MAN1A1: variants seen among roughly 807,000 people sequenced by gnomAD.
MAN1A1 encodes mannosidase alpha class 1A member 1.
Under a neutral mutation model 70.8 loss-of-function variants are expected in MAN1A1, and 29 were observed. That is an observed-to-expected ratio of 0.41 (90% CI 0.31 to 0.56). The LOEUF is 0.56. Ranked by LOEUF, MAN1A1 falls within the 20% of genes least tolerant of loss-of-function variation. The pLI is 0.29. For synonymous variants in MAN1A1, 349 were observed against 330.1 expected (o/e 1.06, Z -0.62); for missense variants, 747 against 841.3 (o/e 0.89, Z 1.39).
At chr6:119,271,520 G>A (rs1476821167) in intron 5 of MAN1A1, among the ~76,000 whole-genome samples, 3 of 149,450 alleles carry the variant, frequency 2.0e-5, no homozygotes, top group Non-Finnish European at 4.4e-5. Flanking sequence ...TTTTTTTTGA[G>A]GCAGAATCTC....
chr6:119,293,408 T>C (rs1173351215), intron 4 of MAN1A1, among the ~76,000 whole-genome samples: 2 of 152,134 alleles, frequency 1.3e-5, no homozygotes, highest in Non-Finnish European at 2.9e-5. Flanking sequence ...TGGCTTTGGA[T>C]TTCATGGATC....
intron 6 of MAN1A1, among the ~76,000 whole-genome samples, chr6:119,210,367 C>A (rs369427865): frequency 1.3e-5 from 2 of 152,034 alleles, no homozygotes; most frequent in African/African-American, 2.4e-5. Flanking sequence ...ACCAAAAAGG[C>A]GAGCAGAACT....
chr6:119,274,900 A>G (rs1776013576), intron 5 of MAN1A1, among the ~76,000 whole-genome samples: 1 of 152,214 alleles, frequency 6.6e-6, no homozygotes, highest in South Asian at 2.1e-4. Flanking sequence ...GAATTTTTTC[A>G]ATTTAATGAA....
chr6:119,213,899 T>A (rs953384771), intron 6 of MAN1A1, among the ~76,000 whole-genome samples: 2 of 152,224 alleles, frequency 1.3e-5, no homozygotes, highest in Non-Finnish European at 2.9e-5. Flanking sequence ...AATTTACATG[T>A]TTATACATTT....
chr6:119,242,130 G>GACACACACACACACACACAC (rs1465970489), intron 6 of MAN1A1, among the ~76,000 whole-genome samples: 35 of 35,768 alleles, frequency 9.8e-4, no homozygotes, highest in African/African-American at 2.2e-3. Context: ...CAGACAGACA[G>GACACACACACACACACACAC]ACAGACACAC....
intron 6 of MAN1A1, among the ~76,000 whole-genome samples, chr6:119,243,813 T>C (rs981077484): frequency 3.3e-5 from 5 of 151,930 alleles, no homozygotes; most frequent in East Asian, 1.9e-4. Context: ...AGGTGAGGGG[T>C]TGTGCCTCAT....
Position 119,201,451 on chromosome 6 carries a change from G to C in MAN1A1, c.1117-104C>G. Reference sequence around the variant, plus strand: ...AGTTGACTTAAATGATGCAGAGTTAGAACAAAGATAACTGCTGTTAGCTTA... The same window carrying C: ...AGTTGACTTAAATGATGCAGAGTTACAACAAAGATAACTGCTGTTAGCTTA... On this transcript the variant is annotated intron_variant, in intron 7 of 12. Transcript: ENST00000368468. 3 of 734,054 alleles carry C rather than the reference G, an allele frequency of 4.1e-6. No individual in the cohort carries two copies. In the South Asian group the frequency reaches 4.9e-5, roughly 12 times the overall value. The allele number at this position is 734,054 out of a possible 1,614,324, so 45.5% of individuals were successfully genotyped here.
At chr6:119,226,832 G>A (rs1289803572) in intron 6 of MAN1A1, among the ~76,000 whole-genome samples, 2 of 128,046 alleles carry the variant, frequency 1.6e-5, no homozygotes, top group Non-Finnish European at 3.5e-5. Flanking sequence ...CACCAGGCCT[G>A]GCTAATTTAT....
intron 11 of MAN1A1, among the ~76,000 whole-genome samples, chr6:119,187,837 C>T (rs1299070518): frequency 2.0e-5 from 3 of 152,262 alleles, no homozygotes; most frequent in South Asian, 2.1e-4. Context: ...ATACTATCCT[C>T]AGCAGGAAGA....
In MAN1A1 at chr6:119,202,313, A is replaced by T. The variant is rs141617395; in HGVS notation, c.1117-966T>A. Reference sequence around the variant, plus strand: ...AGACACATATACACATTAGCTTAGGACTCCACAGGACCATCAATATCACTG... The same window carrying T: ...AGACACATATACACATTAGCTTAGGTCTCCACAGGACCATCAATATCACTG... On this transcript the variant is annotated intron_variant, in intron 7 of 12. Transcript: ENST00000368468. 6.3e-3 allele frequency among the ~76,000 whole-genome samples: 959 copies of T among 152,052 alleles called. 12 individuals are homozygous for T. The highest frequency in any genetic ancestry group is 0.022 in the African/African-American group (907 of 41,498).
intron 5 of MAN1A1, among the ~76,000 whole-genome samples, chr6:119,259,892 T>C (rs1775560744): frequency 6.6e-6 from 1 of 152,132 alleles, no homozygotes; most frequent in Non-Finnish European, 1.5e-5. Flanking sequence ...TATTGAAAAA[T>C]CACAAAATTA....
At chr6:119,339,934 T>TA (rs1315047192) in intron 2 of MAN1A1, among the ~76,000 whole-genome samples, 1 of 151,980 alleles carries the variant, frequency 6.6e-6, no homozygotes, top group Non-Finnish European at 1.5e-5. Context: ...CTACCAAAAA[T>TA]ACAAAAATTA....
At position 119,348,989 on chromosome 6, in the gene MAN1A1, C is replaced by A. The variant is rs1277657061; in HGVS notation, c.77G>T (p.Gly26Val). Residue 26 changes from glycine to valine, a missense_variant, in exon 2 of 13, where the codon GGT becomes GTT. This residue lies in a region of MAN1A1 where 328 missense variants were observed against 293.1 expected (regional missense o/e 1.12). Coordinates refer to ENST00000368468, the MANE Select transcript of MAN1A1 (RefSeq NM_005907.4). ...GGCGGGGCCCGACCCCTTCCTGCCACCGCCGCCGCCGAGCCCCCCGCCCAG... is the reference window on the plus strand; with the variant it reads ...GGCGGGGCCCGACCCCTTCCTGCCAACGCCGCCGCCGAGCCCCCCGCCCAG... ...GVLGGGLGGG[G>V]GRKGSGPAAL... 7 of 1,441,756 alleles carry A rather than the reference C, an allele frequency of 4.9e-6. No homozygotes were observed. Among genetic ancestry groups the A allele is most frequent in the Non-Finnish European group, 6.4e-6 (7 of 1,094,644 alleles). 89.3% of individuals were successfully genotyped at this position (1,441,756 alleles called of 1,614,324 possible). A position where few individuals can be genotyped will look rare whatever the true frequency, so the allele number is the denominator to read the frequency against.
At chr6:119,203,531 T>TGAGGGGGTGAG (rs1326975665) in intron 7 of MAN1A1, among the ~76,000 whole-genome samples, 1 of 151,864 alleles carries the variant, frequency 6.6e-6, no homozygotes, top group Non-Finnish European at 1.5e-5. Flanking sequence ...ATGAGAAGGC[T>TGAGGGGGTGAG]GAGGGGGTGA....
chr6:119,258,946 A>G (rs1230109672), intron 5 of MAN1A1, among the ~76,000 whole-genome samples: 2 of 152,178 alleles, frequency 1.3e-5, no homozygotes, highest in Non-Finnish European at 2.9e-5. Context: ...AAGTGAATAG[A>G]GAATAATCTT....
chr6:119,216,241 T>C (rs1172598840), intron 6 of MAN1A1, among the ~76,000 whole-genome samples: 2 of 152,198 alleles, frequency 1.3e-5, no homozygotes, highest in Admixed American at 1.3e-4. Flanking sequence ...TTTCTAAAGT[T>C]CACTCTGGAT....
At chr6:119,300,596 G>GT (rs1485033671) in intron 4 of MAN1A1, among the ~76,000 whole-genome samples, 1 of 151,980 alleles carries the variant, frequency 6.6e-6, no homozygotes, top group African/African-American at 2.4e-5. Flanking sequence ...AAATGAAACC[G>GT]TTTTTTTCCA....
chr6:119,212,778 T>C (rs1774090193), intron 6 of MAN1A1, among the ~76,000 whole-genome samples: 1 of 152,208 alleles, frequency 6.6e-6, no homozygotes, highest in Non-Finnish European at 1.5e-5. Context: ...AACACACTGA[T>C]ATCTTATTAC....
At chr6:119,181,224 A>C (rs1773146285) in intron 11 of MAN1A1, among the ~76,000 whole-genome samples, 1 of 152,218 alleles carries the variant, frequency 6.6e-6, no homozygotes. Flanking sequence ...CTTAACAGAA[A>C]GAGTTTGCTG....
Sources: allele counts gnomAD v4.1 joint callset (sites outside exome capture counted in the v4.1 genomes callset), GRCh38; gene constraint gnomAD v4.1.1; regional missense constraint gnomAD v4.1.1; transcripts MANE v1.5; gene names NCBI Gene and HGNC (gene_info 2026-07-23, HGNC 2026-07-21).